The following XPO5 variants were observed in gnomAD, a reference collection of about 807,000 sequenced individuals.
XPO5 encodes exportin 5.
In XPO5, 46 loss-of-function variants were observed where a neutral mutation model predicts 160.6. The observed-to-expected ratio is 0.29, with a 90% CI of 0.23 to 0.37. The LOEUF (loss-of-function observed/expected upper bound fraction) is 0.37, where lower values mean the gene tolerates loss of function less well. Ranked by LOEUF, XPO5 falls within the 10% of genes least tolerant of loss-of-function variation. XPO5 has a pLI of 1.00. For synonymous variants in XPO5, 537 were observed against 519.3 expected (o/e 1.03, Z -0.46); for missense variants, 1,090 against 1,463.9 (o/e 0.74, Z 4.17).
At position 43,524,628 on chromosome 6, in the gene XPO5, C is replaced by G. The variant is rs1207639450; in HGVS notation, c.3320G>C (p.Arg1107Thr). Reference protein sequence around the residue: ...AFQIYEALRPRYLEIRAVMEQ... With the variant: ...AFQIYEALRPTYLEIRAVMEQ... ...CATTACAGCTCTTATCTCCAGGTAC[C>G]TGGGGCGCTGATATCAGCAGGGATA... Residue 1107 changes from arginine to threonine, a missense_variant, in exon 31 of 32, where the codon AGG (arginine) becomes ACG (threonine). Around this residue, in one of 3 missense-constraint regions of XPO5, gnomAD observed 810 missense variants for 1,139.0 expected, o/e 0.71. Transcript: ENST00000265351. The G allele has an allele frequency of 1.2e-6, 2 of 1,613,702 alleles. No individual in the cohort carries two copies. Among genetic ancestry groups the G allele is most frequent in the East Asian group, 2.2e-5 (1 of 44,886 alleles).
chr6:43,553,430 G>C lies in XPO5; in HGVS notation c.1515C>G (p.Ala505=), dbSNP rs1327058356. 2 of 1,602,278 alleles carry C rather than the reference G, an allele frequency of 1.2e-6. No homozygotes were observed. The highest frequency in any genetic ancestry group is 3.4e-5 in the Admixed American group (2 of 58,088). ...TAACACTTTCCAAAAAAAGAGTCAT[G>C]GCTTCCCACTGCACGAATGAAGGTG... ...VFSPSFVQWE[A]MTLFLESVIT... The change falls in exon 14 of 32, where the codon GCC becomes GCG. Residue 505 remains alanine, a synonymous_variant. Coordinates refer to ENST00000265351, the MANE Select transcript of XPO5 (RefSeq NM_020750.3).
rs1482390552 is a variant in XPO5, at chr6:43,538,230, A to G, written c.2343-4223T>C. Among the ~76,000 whole-genome samples the G allele has an allele frequency of 1.0e-4, 13 of 129,890 alleles. No individual in the cohort carries two copies. The East Asian group carries it at 3.4e-3, about 34-fold the overall frequency. The allele number at this position is 129,890 out of a possible 152,430, so 85.2% of individuals were successfully genotyped here. On this transcript the variant is annotated intron_variant, in intron 20 of 31. Coordinates refer to ENST00000265351, the MANE Select transcript of XPO5 (RefSeq NM_020750.3). ...AATGGCGTGATCTCAGCTCAATGCA[A>G]CCTCCGCCTGCTGGGTTCAAGTGAT...
intron 22 of XPO5, among the ~76,000 whole-genome samples, 171 bp from the exon 23 acceptor site, chr6:43,530,995 G>A (rs1386180749): frequency 6.6e-6 from 1 of 152,214 alleles, no homozygotes; most frequent in African/African-American, 2.4e-5. Flanking sequence ...GACAGATGTT[G>A]GTGGCCGAGA....
intron 5 of XPO5, among the ~76,000 whole-genome samples, chr6:43,569,502 G>A (rs954185908): frequency 3.9e-5 from 6 of 151,992 alleles, no homozygotes; most frequent in East Asian, 1.9e-4. Context: ...GGAAGACCAA[G>A]GCAGGCGGAT....
In XPO5 at chr6:43,539,323, A is replaced by C. The variant is rs543256548; in HGVS notation, c.2343-5316T>G. On this transcript the variant is annotated intron_variant, in intron 20 of 31. Coordinates refer to ENST00000265351, the MANE Select transcript of XPO5 (RefSeq NM_020750.3). ...GGCCACTGTAGTCCCCGATAGCAAC[A>C]AACGCCTTGAACCTGGTGCGCTGGC... 3.0e-4 allele frequency: 474 copies of C among 1,572,314 alleles called. No individual in the cohort carries two copies. In the African/African-American group the frequency reaches 5.3e-3, roughly 18 times the overall value.
intron 1 of XPO5, among the ~76,000 whole-genome samples, chr6:43,574,434 T>C (rs569605761): frequency 8.4e-4 from 127 of 150,528 alleles, no homozygotes; most frequent in African/African-American, 2.6e-3. Context: ...TATATAAAAG[T>C]TACACATATA....
intron 23 of XPO5, chr6:43,529,314 G>A (rs566970537): frequency 1.6e-5 from 14 of 897,136 alleles, no homozygotes; most frequent in African/African-American, 7.0e-5. Context: ...AGGCCAAGGC[G>A]AGTGGATCAC....
At chr6:43,564,284 C>A (rs1157303739) in intron 8 of XPO5, among the ~76,000 whole-genome samples, 1 of 152,160 alleles carries the variant, frequency 6.6e-6, no homozygotes, top group Non-Finnish European at 1.5e-5. Context: ...AATCCCAGTA[C>A]TTTGGGAGGC....
chr6:43,570,571 C>T lies in XPO5; in HGVS notation c.552G>A (p.Gln184=). Residue 184 remains glutamine (Q), a synonymous_variant, in exon 5 of 32, where the codon CAG becomes CAA. Transcript: ENST00000265351. ...RRRDIQQTLT[Q]NMERIFSFLL... is the part of the protein sequence containing the mutation. The stretch of plus-strand genomic sequence containing the variant: ...GAAAACTGAAGATCCTTTCCATGTT[C>T]TGGGTTAATGTTTGCTGGATGTCCC... 1 of 1,613,740 alleles carries T rather than the reference C, an allele frequency of 6.2e-7. No individual in the cohort carries two copies. Among genetic ancestry groups the T allele is most frequent in the Non-Finnish European group, 8.5e-7 (1 of 1,179,830 alleles).
intron 27 of XPO5, 136 bp downstream of exon 27, chr6:43,526,549 G>T: frequency 1.0e-6 from 1 of 957,556 alleles, no homozygotes; most frequent in South Asian, 1.5e-5. Flanking sequence ...CACACAGCAA[G>T]AGGGCTGGTC....
intron 12 of XPO5, among the ~76,000 whole-genome samples, chr6:43,558,258 T>C (rs910082374): frequency 1.3e-5 from 2 of 152,144 alleles, no homozygotes; most frequent in African/African-American, 2.4e-5. Context: ...GCGTCTTAAG[T>C]ATGGTTACCA....
At chr6:43,555,665 G>T in intron 13 of XPO5, 171 bp downstream of exon 13, 2 of 668,508 alleles carry the variant, frequency 3.0e-6, no homozygotes, top group South Asian at 3.9e-5. Context: ...TGTGTCATCT[G>T]CTTTCTTTGT....
intron 21 of XPO5, among the ~76,000 whole-genome samples, chr6:43,532,723 T>C (rs1035282948): frequency 2.0e-5 from 3 of 152,240 alleles, no homozygotes; most frequent in Non-Finnish European, 2.9e-5. Flanking sequence ...GAGACTGGGT[T>C]AGGTCTCCCG....
At chr6:43,571,789 C>G (rs969693886) in intron 3 of XPO5, among the ~76,000 whole-genome samples, 6 of 149,478 alleles carry the variant, frequency 4.0e-5, no homozygotes, top group Middle Eastern at 3.2e-3. Context: ...GCCGGAGCAA[C>G]AGAGACTCTG....
intron 28 of XPO5, chr6:43,525,546 G>A (rs1561862502): frequency 1.9e-6 from 1 of 518,424 alleles, no homozygotes. Flanking sequence ...GAGAAAACCT[G>A]TATGTGTAGG....
At chr6:43,548,129 G>T in intron 18 of XPO5, 132 bp downstream of exon 18, 1 of 933,980 alleles carries the variant, frequency 1.1e-6, no homozygotes, top group Non-Finnish European at 1.6e-6. Context: ...ACTGCTTTTA[G>T]AGAACTTCAG....
intron 21 of XPO5, chr6:43,533,701 T>C: frequency 6.1e-6 from 2 of 327,900 alleles, no homozygotes; most frequent in South Asian, 6.2e-5. Context: ...CGTCTGGCGT[T>C]GTGATCTGCC....
At position 43,533,983 on chromosome 6, in the gene XPO5, T is replaced by C; in HGVS notation, c.2367A>G (p.Pro789=). ...LIRTHNTLYA[P]EMLAKMAEPF... is the part of the protein sequence containing the mutation. ...GCTCTGCCATTTTGGCTAGCATTTC[T>C]GGTGCATATAATGTATTGTGGGTTC... Residue 789 remains proline, a synonymous_variant, in exon 21 of 32, where the codon CCA becomes CCG. Coordinates refer to ENST00000265351, the MANE Select transcript of XPO5 (RefSeq NM_020750.3). 1 of 1,604,844 alleles carries C rather than the reference T, an allele frequency of 6.2e-7. No homozygotes were observed. The highest frequency in any genetic ancestry group is 8.5e-7 in the Non-Finnish European group (1 of 1,174,212).
intron 2 of XPO5, 82 bp from the exon 3 acceptor site, chr6:43,572,660 T>G: frequency 7.5e-7 from 1 of 1,342,046 alleles, no homozygotes. Context: ...TTTCTACATT[T>G]GATTACACTG....
Sources: allele counts gnomAD v4.1 joint callset (sites outside exome capture counted in the v4.1 genomes callset), GRCh38; gene constraint gnomAD v4.1.1; regional missense constraint gnomAD v4.1.1; transcripts MANE v1.5; gene names NCBI Gene and HGNC (gene_info 2026-07-23, HGNC 2026-07-21).